The following CAST variants were observed in gnomAD, a reference collection of about 807,000 sequenced individuals.
CAST encodes calpastatin, also known as MIR583 host.
CAST carries 76 observed loss-of-function variants against 119.6 expected under a neutral mutation model. The ratio of observed to expected loss-of-function variants is 0.64; its 90% CI spans 0.53 to 0.77. The LOEUF (loss-of-function observed/expected upper bound fraction) is 0.77, where lower values mean the gene tolerates loss of function less well. Ranked by LOEUF, CAST falls within the 30% of genes least tolerant of loss-of-function variation. CAST has a pLI of 0.00. For synonymous variants in CAST, 319 were observed against 331.6 expected (o/e 0.96, Z 0.41); for missense variants, 953 against 946.5 (o/e 1.01, Z -0.09).
At chr5:96,317,269 G>A in the CAST span, among the ~76,000 whole-genome samples, 180 of 149,020 alleles carry the variant, frequency 1.2e-3, no homozygotes, top group African/African-American at 4.4e-3. Flanking sequence ...TTTGAGACCA[G>A]CCTGGGCAAC....
chr5:96,572,205 A>ATTT (rs10654861), intron 1 of CAST, among the ~76,000 whole-genome samples: 1,548 of 147,670 alleles, frequency 0.01, 35 homozygotes, highest in African/African-American at 0.037. Context: ...AATTTGTGCT[A>ATTT]TTTTTTTTTT....
chr5:96,558,454 CCA>C (rs1746290892), intron 1 of CAST, among the ~76,000 whole-genome samples: 1 of 151,984 alleles, frequency 6.6e-6, no homozygotes, highest in African/African-American at 2.4e-5. Context: ...AATTGAGAGA[CCA>C]CTAGCAAGAC....
chr5:96,360,792 G>A, the CAST span, among the ~76,000 whole-genome samples: 1 of 152,340 alleles, frequency 6.6e-6, no homozygotes, highest in East Asian at 1.9e-4. Flanking sequence ...GTATCTCCAA[G>A]TCAGGAGGCA....
At chr5:96,011,057 T>A in the CAST span, among the ~76,000 whole-genome samples, 1 of 152,210 alleles carries the variant, frequency 6.6e-6, no homozygotes, top group Non-Finnish European at 1.5e-5. Context: ...AGAGAGATAG[T>A]TTAACTTCTT....
chr5:96,316,304 G>T, the CAST span, among the ~76,000 whole-genome samples: 1 of 152,136 alleles, frequency 6.6e-6, no homozygotes, highest in Admixed American at 6.5e-5. Flanking sequence ...ATATAATAGA[G>T]CTCAAAGTCA....
chr5:96,389,897 T>C, the CAST span, among the ~76,000 whole-genome samples: 3 of 151,982 alleles, frequency 2.0e-5, no homozygotes, highest in African/African-American at 7.3e-5. Flanking sequence ...ATCATGCCAT[T>C]GCACTGTAGT....
intron 1 of CAST, among the ~76,000 whole-genome samples, chr5:96,549,458 T>C (rs1746083594): frequency 6.6e-6 from 1 of 152,246 alleles, no homozygotes; most frequent in African/African-American, 2.4e-5. Flanking sequence ...CTCTGGTCTA[T>C]AGTTCCCAGT....
chr5:96,230,233 C>T, the CAST span, among the ~76,000 whole-genome samples: 1 of 152,088 alleles, frequency 6.6e-6, no homozygotes, highest in Non-Finnish European at 1.5e-5. Flanking sequence ...TGGAGTGTCC[C>T]CCAGGGATGC....
intron 10 of CAST, among the ~76,000 whole-genome samples, 169 bp from the exon 11 acceptor site, chr5:96,737,680 T>G (rs1039157489): frequency 3.3e-5 from 5 of 152,246 alleles, no homozygotes; most frequent in African/African-American, 1.2e-4. Context: ...ACTTTGAGAC[T>G]TAAATAGTAA....
chr5:96,751,326 A>G (rs143529191), intron 20 of CAST, among the ~76,000 whole-genome samples: 3 of 152,288 alleles, frequency 2.0e-5, no homozygotes, highest in Non-Finnish European at 2.9e-5. Context: ...CTGAACACCT[A>G]CCTTTCATCA....
intron 1 of CAST, among the ~76,000 whole-genome samples, chr5:96,608,242 C>T (rs1428798469): frequency 6.6e-6 from 1 of 152,160 alleles, no homozygotes; most frequent in Non-Finnish European, 1.5e-5. Context: ...ATAAAGTCCT[C>T]CAGGTTCATC....
the CAST span, among the ~76,000 whole-genome samples, chr5:96,419,583 A>C: frequency 6.6e-6 from 1 of 151,696 alleles, no homozygotes; most frequent in African/African-American, 2.4e-5. Context: ...CAGATCTAAA[A>C]TTTGACCTAA....
chr5:96,232,021 T>C, the CAST span, among the ~76,000 whole-genome samples: 1 of 152,094 alleles, frequency 6.6e-6, no homozygotes, highest in Admixed American at 6.6e-5. Flanking sequence ...AAAGAAAATA[T>C]GGTATGTGTT....
chr5:96,522,064 C>T (rs747787336), upstream of CAST, among the ~76,000 whole-genome samples: 7 of 151,830 alleles, frequency 4.6e-5, no homozygotes, highest in Non-Finnish European at 7.4e-5. Context: ...TGCAGCGAGC[C>T]GAGCTCGTGC....
At chr5:96,651,918 C>T (rs1748099276) in intron 1 of CAST, among the ~76,000 whole-genome samples, 1 of 152,182 alleles carries the variant, frequency 6.6e-6, no homozygotes, top group South Asian at 2.1e-4. Context: ...TAAAGACACA[C>T]ATATTTAATC....
the CAST span, among the ~76,000 whole-genome samples, chr5:96,035,041 GTATATATA>G: frequency 9.3e-6 from 1 of 107,962 alleles, no homozygotes; most frequent in Non-Finnish European, 1.9e-5. Flanking sequence ...TTGTATTTAA[GTATATATA>G]TATATATATA....
chr5:96,601,088 G>C (rs936315196), intron 1 of CAST, among the ~76,000 whole-genome samples: 2 of 151,954 alleles, frequency 1.3e-5, no homozygotes, highest in African/African-American at 4.8e-5. Flanking sequence ...TTGTGTGAAT[G>C]TCTCTCTCCC....
the CAST span, among the ~76,000 whole-genome samples, chr5:95,972,655 G>GC: frequency 6.6e-6 from 1 of 152,034 alleles, no homozygotes; most frequent in Non-Finnish European, 1.5e-5. Flanking sequence ...TCCCTGCCTT[G>GC]TTTTTTCTTT....
rs1395618048 is a variant in CAST, at chr5:96,534,749, G to GAGAA, written c.60+4870_60+4871insGAAA. Among the ~76,000 whole-genome samples, 56 of 47,440 alleles carry GAGAA rather than the reference G, an allele frequency of 1.2e-3. 10 individuals carry two copies. The highest frequency in any genetic ancestry group is 4.9e-3 in the African/African-American group (55 of 11,178). The allele number at this position is 47,440 out of a possible 152,430, so 31.1% of individuals were successfully genotyped here. ...AGAGAGAGAGAGAGAGAGAAAGAAA[G>GAGAA]AAAGAAAGAAAGAAAGAAAGAAAGA... is the stretch of plus-strand genomic sequence containing the variant. On this transcript the variant is annotated intron_variant, in intron 1 of 11. Coordinates refer to the CAST transcript ENST00000505143.
Sources: gnomAD v4.1 joint callset for allele counts (sites outside exome capture counted in the v4.1 genomes callset) on GRCh38, gnomAD v4.1.1 for gene constraint, MANE v1.5 for transcripts, NCBI Gene and HGNC (gene_info 2026-07-23, HGNC 2026-07-21) for gene names.